Variants in MAP3K7CL observed in about 807,000 individuals in gnomAD.
The protein encoded by MAP3K7CL is MAP3K7 C-terminal-like protein.
MAP3K7CL carries 16 observed loss-of-function variants against 18.6 expected under a neutral mutation model. The ratio of observed to expected loss-of-function variants is 0.86; its 90% CI spans 0.58 to 1.31. MAP3K7CL has a LOEUF of 1.31. Ranked by LOEUF, MAP3K7CL falls within the 50% of genes most tolerant of loss-of-function variation. The pLI, the probability that MAP3K7CL is intolerant of heterozygous loss-of-function variation, is 0.00. For missense variants in MAP3K7CL, 163 were observed against 174.4 expected (o/e 0.93, Z 0.37); for synonymous variants, 65 against 66.8 (o/e 0.97, Z 0.13).
intron 4 of MAP3K7CL, among the ~76,000 whole-genome samples, chr21:29,099,261 A>ATTTG (rs2086177872): frequency 1.2e-5 from 1 of 83,026 alleles, no homozygotes; most frequent in African/African-American, 5.3e-5. Context: ...CAGCTAATTG[A>ATTTG]TTTTTTTTTT....
chr21:29,131,588 CATGTCACT>C (rs2086781682), intron 1 of MAP3K7CL: 1 of 152,136 alleles, frequency 6.6e-6, no homozygotes, highest in Non-Finnish European at 1.5e-5. Flanking sequence ...TTAAATGTTT[CATGTCACT>C]ATTTCTTTCT....
intron 4 of MAP3K7CL, among the ~76,000 whole-genome samples, chr21:29,096,576 A>C (rs567788991): frequency 1.2e-3 from 182 of 152,340 alleles, no homozygotes; most frequent in African/African-American, 4.3e-3. Flanking sequence ...ATGAAAGAGC[A>C]CAGTGACCAG....
chr21:29,154,675 A>C (rs1429033299), intron 3 of MAP3K7CL, among the ~76,000 whole-genome samples: 1 of 152,256 alleles, frequency 6.6e-6, no homozygotes, highest in East Asian at 1.9e-4. Flanking sequence ...AAAATGAAGA[A>C]GTCTAGCCTT....
intron 4 of MAP3K7CL, among the ~76,000 whole-genome samples, chr21:29,107,696 A>G (rs1419487841): frequency 6.6e-6 from 1 of 152,316 alleles, no homozygotes; most frequent in East Asian, 1.9e-4. Flanking sequence ...AAAAATAGGG[A>G]CACTAAAACA....
At chr21:29,084,834 A>T (rs1169626177), upstream of MAP3K7CL, among the ~76,000 whole-genome samples, 1 of 152,234 alleles carries the variant, frequency 6.6e-6, no homozygotes, top group Non-Finnish European at 1.5e-5. Flanking sequence ...ATTTTTGATA[A>T]CTTAGGCAAA....
chr21:29,159,896 C>A (rs375508702), intron 3 of MAP3K7CL, 45 bp from the exon 4 acceptor site: 8 of 1,488,802 alleles, frequency 5.4e-6, no homozygotes, highest in Middle Eastern at 1.7e-4. Context: ...GGTAATTTAT[C>A]CTGATGCAAA....
At chr21:29,123,512 G>C (rs2086633091) in intron 4 of MAP3K7CL, among the ~76,000 whole-genome samples, 1 of 152,188 alleles carries the variant, frequency 6.6e-6, no homozygotes, top group Non-Finnish European at 1.5e-5. Flanking sequence ...CATTATGGAG[G>C]TGTAACTTTG....
intron 3 of MAP3K7CL, among the ~76,000 whole-genome samples, chr21:29,152,989 G>A (rs1461419622): frequency 1.3e-5 from 2 of 152,156 alleles, no homozygotes; most frequent in Non-Finnish European, 2.9e-5. Context: ...TTTATAAAAT[G>A]CTGCTATAAA....
chr21:29,150,423 C>T (rs550395261), intron 3 of MAP3K7CL, among the ~76,000 whole-genome samples: 1 of 152,242 alleles, frequency 6.6e-6, no homozygotes, highest in South Asian at 2.1e-4. Flanking sequence ...TGGAGGAGTC[C>T]TCATTCTCAC....
At chr21:29,146,878 T>C (rs2087139235) in intron 2 of MAP3K7CL, among the ~76,000 whole-genome samples, 2 of 152,222 alleles carry the variant, frequency 1.3e-5, no homozygotes, top group African/African-American at 4.8e-5. Context: ...ATTATCTTTT[T>C]GGTGATTATC....
At position 29,123,107 on chromosome 21, in the gene MAP3K7CL, G is replaced by T. The variant is rs1297035329; in HGVS notation, c.371-26082G>T. On this transcript the variant is annotated intron_variant, in intron 4 of 6. Coordinates refer to the MAP3K7CL transcript ENST00000286791. Reference sequence around the variant, plus strand: ...AATGGAGTTTTGCTCTTGTTGCCCAGGCTGAAGTGCAATGGCGTGATCTTG... The same window carrying T: ...AATGGAGTTTTGCTCTTGTTGCCCATGCTGAAGTGCAATGGCGTGATCTTG... Among the ~76,000 whole-genome samples the T allele has an allele frequency of 2.2e-5, 3 of 136,332 alleles. No individual in the cohort carries two copies. In the Admixed American group the frequency reaches 2.5e-4, roughly 11 times the overall value. The allele number at this position is 136,332 out of a possible 152,430, so 89.4% of individuals were successfully genotyped here. A position where few individuals can be genotyped will look rare whatever the true frequency, so the allele number is the denominator to read the frequency against.
At chr21:29,167,450 T>A (rs1419414939) in intron 4 of MAP3K7CL, among the ~76,000 whole-genome samples, 1 of 152,190 alleles carries the variant, frequency 6.6e-6, no homozygotes, top group African/African-American at 2.4e-5. Context: ...GCATATGTAA[T>A]TTGCAAAGGC....
chr21:29,081,139 A>G (rs1335550826), upstream of MAP3K7CL, among the ~76,000 whole-genome samples: 1 of 152,152 alleles, frequency 6.6e-6, no homozygotes, highest in Non-Finnish European at 1.5e-5. Flanking sequence ...TCAGGCTTAT[A>G]TTTTGAGATA....
chr21:29,088,431 C>A (rs2085963851), intron 1 of MAP3K7CL, among the ~76,000 whole-genome samples: 1 of 152,182 alleles, frequency 6.6e-6, no homozygotes, highest in African/African-American at 2.4e-5. Flanking sequence ...TATGTGTAAG[C>A]AATAAATATA....
intron 4 of MAP3K7CL, among the ~76,000 whole-genome samples, chr21:29,163,041 G>A (rs1381632461): frequency 6.6e-6 from 1 of 152,194 alleles, no homozygotes; most frequent in Non-Finnish European, 1.5e-5. Context: ...AACCCAGTAG[G>A]CGGAGGTTGC....
chr21:29,164,970 A>G (rs2087649176), intron 4 of MAP3K7CL, among the ~76,000 whole-genome samples: 1 of 152,226 alleles, frequency 6.6e-6, no homozygotes, highest in Non-Finnish European at 1.5e-5. Flanking sequence ...GCATTTTTCT[A>G]CAACATACCT....
At chr21:29,099,940 G>A (rs547761820) in intron 4 of MAP3K7CL, among the ~76,000 whole-genome samples, 338 of 152,040 alleles carry the variant, frequency 2.2e-3, no homozygotes, top group African/African-American at 7.7e-3. Context: ...AAAATTAGCC[G>A]GGCGTGGTGG....
At chr21:29,142,689 A>C (rs1348187624) in intron 2 of MAP3K7CL, among the ~76,000 whole-genome samples, 1 of 152,216 alleles carries the variant, frequency 6.6e-6, no homozygotes, top group Non-Finnish European at 1.5e-5. Context: ...ACTTAATTAT[A>C]TTAAGCATTC....
intron 3 of MAP3K7CL, among the ~76,000 whole-genome samples, chr21:29,158,917 C>CTTTTTTTTTTTTTT (rs36003464): frequency 1.0e-5 from 1 of 100,436 alleles, no homozygotes; most frequent in Admixed American, 1.2e-4. Context: ...AAAAGTAGTA[C>CTTTTTTTTTTTTTT]TTTTTTTTTT....
Sources: allele counts gnomAD v4.1 joint callset (sites outside exome capture counted in the v4.1 genomes callset), GRCh38; gene constraint gnomAD v4.1.1; transcripts MANE v1.5; gene names NCBI Gene and HGNC (gene_info 2026-07-23, HGNC 2026-07-21).